RNF212: variants seen among roughly 807,000 people sequenced by gnomAD.
The protein encoded by RNF212 is ring finger protein 212.
In RNF212, 33 loss-of-function variants were observed where a neutral mutation model predicts 34.7. The observed-to-expected ratio is 0.95, with a 90% CI of 0.72 to 1.27. RNF212 has a LOEUF of 1.27. Among genes scored for constraint, RNF212 ranks in the 50% most tolerant of loss-of-function variants. RNF212 has a pLI of 0.00. For missense variants in RNF212, 377 were observed against 362.2 expected, an observed-to-expected ratio of 1.04 and a Z score of -0.33; for synonymous variants, 140 against 136.1, an observed-to-expected ratio of 1.03 and a Z score of -0.20.
At chr4:1,060,252 T>C (rs1717663302) in intron 3 of RNF212, among the ~76,000 whole-genome samples, 1 of 152,138 alleles carries the variant, frequency 6.6e-6, no homozygotes, top group Non-Finnish European at 1.5e-5. Context: ...GAGCCAAGTG[T>C]GGGCCATGGG....
At chr4:1,058,492 T>C in intron 3 of RNF212, 1 of 390,840 alleles carries the variant, frequency 2.6e-6, no homozygotes. Context: ...TCTCCGTAGC[T>C]GTCACTGCCT....
intron 7 of RNF212, among the ~76,000 whole-genome samples, chr4:1,081,149 C>T (rs980606600): frequency 1.1e-4 from 17 of 152,190 alleles, no homozygotes; most frequent in African/African-American, 2.9e-4. Context: ...GCGGGGGGCA[C>T]GCAGAACACT....
At chr4:1,107,055 C>T (rs1311316802) in intron 2 of RNF212, among the ~76,000 whole-genome samples, 1 of 151,680 alleles carries the variant, frequency 6.6e-6, no homozygotes, top group African/African-American at 2.4e-5. Context: ...GAGAAGATAC[C>T]ATTTTTTTTT....
At chr4:1,058,600 C>T (rs890713843) in intron 3 of RNF212, among the ~76,000 whole-genome samples, 1 of 152,174 alleles carries the variant, frequency 6.6e-6, no homozygotes, top group Non-Finnish European at 1.5e-5. Flanking sequence ...TCTGAGAAGC[C>T]CTGGGTCTTC....
intron 2 of RNF212, among the ~76,000 whole-genome samples, chr4:1,104,500 T>G (rs1724505994): frequency 6.6e-6 from 1 of 152,184 alleles, no homozygotes; most frequent in Non-Finnish European, 1.5e-5. Flanking sequence ...GGGCCAGGCC[T>G]GGAAGTGGTC....
At chr4:1,089,885 C>T (rs1387593944) in intron 4 of RNF212, among the ~76,000 whole-genome samples, 4 of 152,266 alleles carry the variant, frequency 2.6e-5, no homozygotes, top group African/African-American at 4.8e-5. Context: ...CCCAGTCATG[C>T]GGAACTGTGA....
At chr4:1,068,653 C>T (rs1718246321), downstream of RNF212, among the ~76,000 whole-genome samples, 1 of 152,284 alleles carries the variant, frequency 6.6e-6, no homozygotes, top group Admixed American at 6.5e-5. Flanking sequence ...ATTCACCATT[C>T]CCCATGCTCT....
At chr4:1,109,301 C>T (rs1399010711) in intron 1 of RNF212, among the ~76,000 whole-genome samples, 1 of 152,208 alleles carries the variant, frequency 6.6e-6, no homozygotes, top group Non-Finnish European at 1.5e-5. Context: ...AGCCACCATG[C>T]CCAGCCTATG....
chr4:1,076,815 A>G (rs993566873), intron 8 of RNF212, among the ~76,000 whole-genome samples: 5 of 152,224 alleles, frequency 3.3e-5, no homozygotes, highest in Non-Finnish European at 7.3e-5. Context: ...ATGAAGTTTT[A>G]TTAGAACACA....
intron 1 of RNF212, among the ~76,000 whole-genome samples, chr4:1,109,749 AC>A (rs33984933): frequency 0.46 from 70,461 of 151,832 alleles, 17,550 homozygotes; most frequent in East Asian, 0.61. Flanking sequence ...CCACCACAGA[AC>A]AACCCACTTC....
At chr4:1,074,410 C>T (rs942098153) in intron 8 of RNF212, among the ~76,000 whole-genome samples, 5 of 152,210 alleles carry the variant, frequency 3.3e-5, no homozygotes, top group Non-Finnish European at 7.4e-5. Context: ...TGTGCCCCGC[C>T]AAGACCTCTG....
At chr4:1,076,936 A>C (rs1031866007) in intron 8 of RNF212, among the ~76,000 whole-genome samples, 1 of 152,214 alleles carries the variant, frequency 6.6e-6, no homozygotes, top group Non-Finnish European at 1.5e-5. Flanking sequence ...ATGTTTTACT[A>C]TCTGGCCCTT....
chr4:1,085,757 G>T, intron 5 of RNF212, 139 bp downstream of exon 5: 1 of 690,896 alleles, frequency 1.4e-6, no homozygotes, highest in Non-Finnish European at 2.6e-6. Context: ...TTGCTCTGAT[G>T]AAAGTTTCTG....
chr4:1,057,147 G>A (rs1234592999), intron 4 of RNF212: 2 of 240,122 alleles, frequency 8.3e-6, no homozygotes, highest in South Asian at 1.5e-4. Flanking sequence ...GCACACCCCC[G>A]CCCGGCGGCC....
chr4:1,113,588 C>CTGCGCCTGCGCAAAGTCGACGGCAGCT (rs1560180001), upstream of RNF212: 1,324 of 662,484 alleles, frequency 2.0e-3, 20 homozygotes, highest in African/African-American at 0.024. Context: ...CGACGGCAGC[C>CTGCGCCTGCGCAAAGTCGACGGCAGCT]CTGCGCCCGC....
chr4:1,071,311 G>C (rs1311315812), downstream of RNF212, among the ~76,000 whole-genome samples: 1 of 151,742 alleles, frequency 6.6e-6, no homozygotes, highest in East Asian at 1.9e-4. Flanking sequence ...TTTTTTCTGT[G>C]TGCTTGAAGT....
chr4:1,087,845 G>A (rs971472414), intron 4 of RNF212, among the ~76,000 whole-genome samples: 6 of 151,830 alleles, frequency 4.0e-5, no homozygotes, highest in South Asian at 4.2e-4. Context: ...CTCTCCTGCC[G>A]CTATGTAAGA....
intron 3 of RNF212, among the ~76,000 whole-genome samples, chr4:1,059,129 G>A (rs571348626): frequency 1.3e-5 from 2 of 152,380 alleles, no homozygotes; most frequent in South Asian, 4.1e-4. Flanking sequence ...TGACTGGCCA[G>A]TGCCCTGCCT....
At chr4:1,093,678 G>C (rs1020727686) in intron 3 of RNF212, 4 of 1,536,162 alleles carry the variant, frequency 2.6e-6, no homozygotes, top group Admixed American at 2.0e-5. Context: ...AACCACCCTG[G>C]AGCGCACGGC....
Sources: gnomAD v4.1 joint callset for allele counts (sites outside exome capture counted in the v4.1 genomes callset) on GRCh38, gnomAD v4.1.1 for gene constraint, MANE v1.5 for transcripts, NCBI Gene and HGNC (gene_info 2026-07-23, HGNC 2026-07-21) for gene names.